TLN2: variants seen among roughly 807,000 people sequenced by gnomAD.
TLN2 encodes the protein talin 2.
A neutral mutation model predicts 294.7 loss-of-function variants in TLN2; 118 were observed. The ratio of observed to expected loss-of-function variants is 0.40; its 90% CI spans 0.34 to 0.47. The LOEUF is 0.47. Among genes scored for constraint, TLN2 ranks in the 20% least tolerant of loss-of-function variants. TLN2 has a pLI of 0.84. For missense variants in TLN2, 3,083 were observed against 3,282.2 expected, an observed-to-expected ratio of 0.94 and a Z score of 1.48; for synonymous variants, 1,431 against 1,304.5, an observed-to-expected ratio of 1.10 and a Z score of -2.09.
chr15:62,717,362 G>T (rs897520724), intron 23 of TLN2, among the ~76,000 whole-genome samples: 1 of 152,154 alleles, frequency 6.6e-6, no homozygotes, highest in Non-Finnish European at 1.5e-5. Flanking sequence ...GCTTTCAAGC[G>T]TGCCTGTCTT....
At chr15:62,464,510 C>T (rs1177889599) in intron 1 of TLN2, among the ~76,000 whole-genome samples, 1 of 151,716 alleles carries the variant, frequency 6.6e-6, no homozygotes, top group African/African-American at 2.4e-5. Context: ...CAACATAACA[C>T]ATGTATACCT....
At chr15:62,420,294 G>A (rs1049728859) in intron 1 of TLN2, among the ~76,000 whole-genome samples, 1 of 152,098 alleles carries the variant, frequency 6.6e-6, no homozygotes, top group African/African-American at 2.4e-5. Context: ...TGTCATTTTG[G>A]ATGGTAATGA....
intron 1 of TLN2, among the ~76,000 whole-genome samples, chr15:62,584,342 T>C (rs1027636117): frequency 5.9e-5 from 9 of 152,238 alleles, no homozygotes; most frequent in African/African-American, 2.2e-4. Flanking sequence ...TGTAACACTT[T>C]TTACCTCCTA....
intron 1 of TLN2, among the ~76,000 whole-genome samples, chr15:62,564,775 C>T (rs1213086962): frequency 2.0e-5 from 3 of 151,560 alleles, no homozygotes; most frequent in African/African-American, 4.9e-5. Context: ...GGCATGGTGT[C>T]GGGCGCCTGT....
At chr15:62,648,509 T>C (rs1039713059) in intron 4 of TLN2, among the ~76,000 whole-genome samples, 1 of 150,794 alleles carries the variant, frequency 6.6e-6, no homozygotes, top group Non-Finnish European at 1.5e-5. Flanking sequence ...TCTCATAAAA[T>C]TGTTTTTGGT....
intron 51 of TLN2, among the ~76,000 whole-genome samples, chr15:62,807,613 G>A (rs2066380067): frequency 6.6e-6 from 1 of 152,174 alleles, no homozygotes; most frequent in Non-Finnish European, 1.5e-5. Flanking sequence ...TAAAGGGAAT[G>A]CAGCTCAGAT....
intron 54 of TLN2, among the ~76,000 whole-genome samples, chr15:62,821,067 G>A (rs150473550): frequency 5.9e-5 from 9 of 152,358 alleles, no homozygotes; most frequent in African/African-American, 2.2e-4. Context: ...GAGAGGATGG[G>A]TAGCTGGTAT....
intron 1 of TLN2, among the ~76,000 whole-genome samples, chr15:62,519,939 A>C (rs552582883): frequency 6.6e-6 from 1 of 152,372 alleles, no homozygotes; most frequent in East Asian, 1.9e-4. Flanking sequence ...GTGGACTCAC[A>C]GTTCCATGTA....
chr15:62,666,349 C>T (rs2140985008), intron 9 of TLN2, among the ~76,000 whole-genome samples: 1 of 152,124 alleles, frequency 6.6e-6, no homozygotes, highest in East Asian at 1.9e-4. Context: ...GGGATTAAGG[C>T]CCTTAGAAAA....
intron 1 of TLN2, among the ~76,000 whole-genome samples, chr15:62,451,441 G>C (rs2036140544): frequency 6.6e-6 from 1 of 152,186 alleles, no homozygotes; most frequent in African/African-American, 2.4e-5. Context: ...TGAATCACAA[G>C]GTCAGGAGAT....
intron 36 of TLN2, 85 bp downstream of exon 36, chr15:62,754,001 G>A: frequency 3.6e-6 from 5 of 1,381,318 alleles, no homozygotes; most frequent in Non-Finnish European, 3.8e-6. Context: ...AATTAGTAAA[G>A]AATCTTGTTC....
rs1019530412 is a variant in TLN2 at position 62,817,079 on chromosome 15, G to A, written c.6772-2437G>A. 2.6e-5 allele frequency among the ~76,000 whole-genome samples: 4 copies of A among 152,054 alleles called. 1 individual carries two copies. Among genetic ancestry groups the A allele is most frequent in the South Asian group, 4.2e-4 (2 of 4,818 alleles). ...TCTATAAAGGAAGACTGTTGTGGTCGCTTAATAAACTGAGGCTTAGAGAGA... is the reference window on the plus strand; with the variant it reads ...TCTATAAAGGAAGACTGTTGTGGTCACTTAATAAACTGAGGCTTAGAGAGA... On this transcript the variant is annotated intron_variant, in intron 52 of 58. Transcript: ENST00000636159.
intron 1 of TLN2, among the ~76,000 whole-genome samples, chr15:62,409,199 C>T (rs777208491): frequency 2.9e-4 from 44 of 151,948 alleles, no homozygotes; most frequent in Non-Finnish European, 5.1e-4. Context: ...TCTCTAACTC[C>T]TGAGCTCAAG....
chr15:62,803,059 G>A (rs2063482866), intron 50 of TLN2, among the ~76,000 whole-genome samples: 1 of 152,094 alleles, frequency 6.6e-6, no homozygotes, highest in South Asian at 2.1e-4. Flanking sequence ...TTTTTAACTT[G>A]ATGTAATCCC....
intron 51 of TLN2, among the ~76,000 whole-genome samples, chr15:62,806,345 G>A (rs1458988881): frequency 2.0e-5 from 3 of 152,344 alleles, no homozygotes; most frequent in East Asian, 3.9e-4. Flanking sequence ...TAGGCAGGAA[G>A]CCTTCTTGCA....
At chr15:62,781,105 T>C (rs967792839) in intron 43 of TLN2, 35 bp from the exon 44 acceptor site, 1 of 1,536,634 alleles carries the variant, frequency 6.5e-7, no homozygotes, top group Non-Finnish European at 9.0e-7. Flanking sequence ...AGCAGGCTTC[T>C]TATGACCTTT....
chr15:62,724,812 G>C (rs536620094), intron 26 of TLN2, among the ~76,000 whole-genome samples, 164 bp from the exon 27 acceptor site: 1 of 152,254 alleles, frequency 6.6e-6, no homozygotes, highest in East Asian at 1.9e-4. Flanking sequence ...TTCTAACTGA[G>C]GATGATTTTG....
At chr15:62,443,873 G>T (rs1465881087) in intron 1 of TLN2, among the ~76,000 whole-genome samples, 1 of 152,118 alleles carries the variant, frequency 6.6e-6, no homozygotes, top group African/African-American at 2.4e-5. Flanking sequence ...GTGATATGTG[G>T]CTGTAGTCCT....
chr15:62,746,014 T>C (rs1427848499), intron 32 of TLN2, among the ~76,000 whole-genome samples: 1 of 151,994 alleles, frequency 6.6e-6, no homozygotes, highest in Non-Finnish European at 1.5e-5. Context: ...CCCAAGTTTT[T>C]ATTTGAAAAA....
Sources: gnomAD v4.1 joint callset for allele counts (sites outside exome capture counted in the v4.1 genomes callset) on GRCh38, gnomAD v4.1.1 for gene constraint, MANE v1.5 for transcripts, NCBI Gene and HGNC (gene_info 2026-07-23, HGNC 2026-07-21) for gene names.